The following NAT2 variants were observed in gnomAD, a reference collection of about 807,000 sequenced individuals.
NAT2 encodes the protein N-acetyltransferase 2.
For missense variants in NAT2, 428 were observed against 339.1 expected (o/e 1.26, Z -2.06); for synonymous variants, 137 against 125.9 (o/e 1.09, Z -0.59).
chr8:18,400,071 C>T lies in NAT2; in HGVS notation c.68C>T (p.Thr23Ile), dbSNP rs764315394. Residue 23 changes from threonine (T) to isoleucine (I), a missense_variant, in exon 2 of 2, where the codon ACA becomes ATA. Thr to Ile is a moderately conservative substitution (Grantham distance 89). Coordinates refer to ENST00000286479, the MANE Select transcript of NAT2 (RefSeq NM_000015.3). The stretch of plus-strand genomic sequence containing the variant: ...TCTAGGAACAAATTGGACTTGGAAA[C>T]ATTAACTGACATTCTTGAGCACCAG... ...KNSRNKLDLE[T>I]LTDILEHQIR... is the part of the protein sequence containing the mutation. 6.2e-7 allele frequency: 1 copy of T among 1,613,380 alleles called. No individual in the cohort carries two copies. The highest frequency in any genetic ancestry group is 2.2e-5 in the East Asian group (1 of 44,878).
intron 1 of NAT2, among the ~76,000 whole-genome samples, chr8:18,397,078 T>C (rs963706006): frequency 1.3e-5 from 2 of 152,182 alleles, no homozygotes; most frequent in South Asian, 2.1e-4. Context: ...CTAAAAATTA[T>C]AGAGTGATTT....
chr8:18,396,557 G>A (rs1036658593), intron 1 of NAT2, among the ~76,000 whole-genome samples: 2 of 151,928 alleles, frequency 1.3e-5, no homozygotes, highest in East Asian at 1.9e-4. Context: ...GACCACACCC[G>A]CCTAATTTTT....
In NAT2 at chr8:18,400,748, A is replaced by T; in HGVS notation, c.745A>T (p.Asn249Tyr). Reference protein sequence around the residue: ...LTYRKFNYKDNTDLVEFKTLT... With the variant: ...LTYRKFNYKDYTDLVEFKTLT... ...CTATAGAAAATTCAATTATAAAGAC[A>T]ATACAGATCTGGTCGAGTTTAAAAC... Residue 249 changes from asparagine (N) to tyrosine (Y), a missense_variant, in exon 2 of 2, where the codon AAT (asparagine) becomes TAT (tyrosine). Transcript: ENST00000286479. 1.2e-6 allele frequency: 2 copies of T among 1,613,702 alleles called. No homozygotes were observed. The highest frequency in any genetic ancestry group is 1.7e-6 in the Non-Finnish European group (2 of 1,179,954).
At chr8:18,388,503 G>GAAAAAAAAA (rs1563246302), upstream of NAT2, among the ~76,000 whole-genome samples, 2 of 2,442 alleles carry the variant, frequency 8.2e-4, no homozygotes, top group Non-Finnish European at 1.9e-3. Context: ...TAGATAATAA[G>GAAAAAAAAA]CAAAAAAAAA....
At position 18,400,433 on chromosome 8, in the gene NAT2, C is replaced by T; in HGVS notation, c.430C>T (p.Pro144Ser). The part of the protein sequence containing the change: ...PLELISGKDQ[P>S]QVPCIFCLTE... Reference sequence around the variant, plus strand: ...AGAATTAATTTCTGGGAAGGATCAGCCTCAGGTGCCTTGCATTTTCTGCTT... The same window carrying T: ...AGAATTAATTTCTGGGAAGGATCAGTCTCAGGTGCCTTGCATTTTCTGCTT... Residue 144 changes from proline (P) to serine (S), a missense_variant, in exon 2 of 2, where the codon CCT (proline) becomes TCT (serine). Pro to Ser is a moderately conservative substitution (Grantham distance 74, BLOSUM62 -1). Transcript: ENST00000286479. The T allele has an allele frequency of 6.2e-7, 1 of 1,613,460 alleles. No homozygotes were observed. Among genetic ancestry groups the T allele is most frequent in the Non-Finnish European group, 8.5e-7 (1 of 1,179,820 alleles).
At position 18,400,966 on chromosome 8, in the gene NAT2, G is replaced by A. The variant is rs539028538; in HGVS notation, c.*90G>A. On this transcript the variant is annotated 3_prime_UTR_variant, in exon 2 of 2. Coordinates refer to ENST00000286479, the MANE Select transcript of NAT2 (RefSeq NM_000015.3). ...TATCAGATATCCTCTCTACCCTCACGTTATTTTGAAGAAAATCCTAAACAT... is the reference window on the plus strand; with the variant it reads ...TATCAGATATCCTCTCTACCCTCACATTATTTTGAAGAAAATCCTAAACAT... 42 of 906,884 alleles carry A rather than the reference G, an allele frequency of 4.6e-5. No individual in the cohort carries two copies. Among genetic ancestry groups the A allele is most frequent in the Middle Eastern group, 7.2e-4 (2 of 2,766 alleles). The allele number at this position is 906,884 out of a possible 1,614,324, so 56.2% of individuals were successfully genotyped here.
Position 18,400,139 on chromosome 8 carries a change from C to G in NAT2, c.136C>G (p.Gln46Glu). The change falls in exon 2 of 2, where the codon CAA (glutamine) becomes GAA (glutamate). Residue 46 changes from glutamine to glutamate, a missense_variant. By Grantham distance (29) the Gln-to-Glu change is conservative. Transcript: ENST00000286479. ...PFENLNMHCG[Q>E]AMELGLEAIF... ...TGAGAACCTTAACATGCATTGTGGG[C>G]AAGCCATGGAGTTGGGCTTAGAGGC... 1 of 1,614,024 alleles carries G rather than the reference C, an allele frequency of 6.2e-7. No homozygotes were observed. The highest frequency in any genetic ancestry group is 8.5e-7 in the Non-Finnish European group (1 of 1,179,970).
At chr8:18,386,802 C>A (rs960184013), upstream of NAT2, among the ~76,000 whole-genome samples, 1 of 151,696 alleles carries the variant, frequency 6.6e-6, no homozygotes, top group Non-Finnish European at 1.5e-5. Flanking sequence ...ACTGGAGGGC[C>A]GGATCTGGTT....
Position 18,400,465 on chromosome 8 carries a change from A to T in NAT2, c.462A>T (p.Glu154Asp). 6.2e-7 allele frequency: 1 copy of T among 1,613,882 alleles called. No individual in the cohort carries two copies. Among genetic ancestry groups the T allele is most frequent in the Non-Finnish European group, 8.5e-7 (1 of 1,179,954 alleles). The change falls in exon 2 of 2, where the codon GAA (glutamate) becomes GAT (aspartate). Residue 154 changes from glutamate (E) to aspartate (D), a missense_variant. Coordinates refer to ENST00000286479, the MANE Select transcript of NAT2 (RefSeq NM_000015.3). ...TGCCTTGCATTTTCTGCTTGACAGA[A>T]GAGAGAGGAATCTGGTACCTGGACC... ...PQVPCIFCLT[E>D]ERGIWYLDQI... is the part of the protein sequence containing the mutation.
intron 1 of NAT2, among the ~76,000 whole-genome samples, chr8:18,399,221 C>T (rs1357410627): frequency 6.6e-6 from 1 of 152,094 alleles, no homozygotes; most frequent in Non-Finnish European, 1.5e-5. Context: ...CACACATATC[C>T]ACAGAACTTA....
intron 1 of NAT2, among the ~76,000 whole-genome samples, chr8:18,397,549 TTTTG>T (rs1476989637): frequency 2.6e-5 from 4 of 152,168 alleles, no homozygotes; most frequent in Non-Finnish European, 5.9e-5. Context: ...ATAAAAGAAA[TTTTG>T]TTTGTGGTTA....
chr8:18,395,765 A>G (rs919501102), intron 1 of NAT2, among the ~76,000 whole-genome samples: 6 of 152,198 alleles, frequency 3.9e-5, no homozygotes, highest in Admixed American at 2.6e-4. Context: ...TTGTGGTGGA[A>G]AAACAAATTA....
At chr8:18,396,056 A>G (rs890372952) in intron 1 of NAT2, among the ~76,000 whole-genome samples, 4 of 151,572 alleles carry the variant, frequency 2.6e-5, no homozygotes, top group African/African-American at 9.7e-5. Flanking sequence ...AAATTTTACC[A>G]TTGCATAGCT....
Position 18,400,706 on chromosome 8 carries a change from G to C in NAT2, c.703G>C (p.Val235Leu), listed in dbSNP as rs1252922818. ...GACCCCAGAAGGGGTTTACTGTTTG[G>C]TGGGCTTCATCCTCACCTATAGAAA... ...LQTPEGVYCL[V>L]GFILTYRKFN... The change falls in exon 2 of 2, where the codon GTG (valine) becomes CTG (leucine). Residue 235 changes from valine (V) to leucine (L), a missense_variant. Transcript: ENST00000286479. 6.2e-7 allele frequency: 1 copy of C among 1,613,678 alleles called. No individual in the cohort carries two copies. Among genetic ancestry groups the C allele is most frequent in the Non-Finnish European group, 8.5e-7 (1 of 1,179,952 alleles).
rs12720065 is a variant in NAT2, at chr8:18,400,406, C to G, written c.403C>G (p.Leu135Val). ...SGSSSQMWQPLELISGKDQPQ... is the reference protein window; with the variant it reads ...SGSSSQMWQPVELISGKDQPQ... Reference sequence around the variant, plus strand: ...AAGCTCCTCCCAGATGTGGCAGCCTCTAGAATTAATTTCTGGGAAGGATCA... The same window carrying G: ...AAGCTCCTCCCAGATGTGGCAGCCTGTAGAATTAATTTCTGGGAAGGATCA... The change falls in exon 2 of 2, where the codon CTA becomes GTA. Residue 135 changes from leucine (L) to valine (V), a missense_variant. Leu to Val is a conservative substitution (Grantham distance 32). Coordinates refer to ENST00000286479, the MANE Select transcript of NAT2 (RefSeq NM_000015.3). 1,075 of 1,612,094 alleles carry G rather than the reference C, an allele frequency of 6.7e-4. 3 individuals are homozygous for G. The African/African-American group carries it at 0.012, about 17-fold the overall frequency.
At chr8:18,388,206 C>A (rs1269382897), upstream of NAT2, among the ~76,000 whole-genome samples, 1 of 152,210 alleles carries the variant, frequency 6.6e-6, no homozygotes, top group African/African-American at 2.4e-5. Flanking sequence ...TGAGTCTCAA[C>A]AATTCATGAA....
At chr8:18,393,337 GT>G (rs1356748216) in intron 1 of NAT2, among the ~76,000 whole-genome samples, 1 of 152,032 alleles carries the variant, frequency 6.6e-6, no homozygotes. Context: ...CAGTCCCTTG[GT>G]TTTGAGGTGA....
rs72554616 is a variant in NAT2 at position 18,400,437 on chromosome 8, A to C, written c.434A>C (p.Gln145Pro). ...LELISGKDQP[Q>P]VPCIFCLTEE... ...TTAATTTCTGGGAAGGATCAGCCTC[A>C]GGTGCCTTGCATTTTCTGCTTGACA... The change falls in exon 2 of 2, where the codon CAG becomes CCG. Residue 145 changes from glutamine (Q) to proline (P), a missense_variant. Coordinates refer to ENST00000286479, the MANE Select transcript of NAT2 (RefSeq NM_000015.3). 2.4e-5 allele frequency: 39 copies of C among 1,613,772 alleles called. No homozygotes were observed. The Admixed American group carries it at 4.3e-4, about 18-fold the overall frequency.
intron 1 of NAT2, among the ~76,000 whole-genome samples, chr8:18,397,081 A>G (rs1372626368): frequency 1.3e-5 from 2 of 152,190 alleles, no homozygotes; most frequent in East Asian, 3.9e-4. Flanking sequence ...AAAATTATAG[A>G]GTGATTTCAT....
Sources: gnomAD v4.1 joint callset for allele counts (sites outside exome capture counted in the v4.1 genomes callset) on GRCh38, gnomAD v4.1.1 for gene constraint, MANE v1.5 for transcripts, NCBI Gene and HGNC (gene_info 2026-07-23, HGNC 2026-07-21) for gene names.